The following TTC38 variants were observed in gnomAD, a reference collection of about 807,000 sequenced individuals.
TTC38 encodes tetratricopeptide repeat domain 38.
TTC38 carries 64 observed loss-of-function variants against 64.2 expected under a neutral mutation model. The observed-to-expected ratio is 1.00, with a 90% confidence interval of 0.81 to 1.23. The LOEUF is 1.23. Ranked by LOEUF, TTC38 falls within the 50% of genes most tolerant of loss-of-function variation. TTC38 has a pLI of 0.00. For synonymous variants in TTC38, 254 were observed against 249.3 expected (o/e 1.02, Z -0.18); for missense variants, 573 against 615.5 (o/e 0.93, Z 0.73).
At position 46,291,109 on chromosome 22, in the gene TTC38, C is replaced by T. The variant is rs1601888173; in HGVS notation, c.1316+1210C>T. 6.6e-6 allele frequency among the ~76,000 whole-genome samples: 1 copy of T among 152,192 alleles called. No individual in the cohort carries two copies. The highest frequency in any genetic ancestry group is 2.4e-5 in the African/African-American group (1 of 41,440). ...GTTCTGTGGTACTCATGAAACAGGT[C>T]TGGCTGGCAGCACTGGAACCGCCTA... On this transcript the variant is annotated intron_variant, in intron 13 of 13. Transcript: ENST00000381031. The surrounding 1 kb of genome is among the most constrained non-coding windows in gnomAD (Gnocchi z 4.6).
In TTC38 at chr22:46,292,458, A is replaced by G. The variant is rs1372788830; in HGVS notation, c.1317-333A>G. The G allele has an allele frequency of 2.8e-6, 1 of 355,642 alleles. No individual in the cohort carries two copies. The highest frequency in any genetic ancestry group is 5.4e-6 in the Non-Finnish European group (1 of 185,934). 22.0% of individuals were successfully genotyped at this position (355,642 alleles called of 1,614,324 possible). A position where few individuals can be genotyped will look rare whatever the true frequency, so the allele number is the denominator to read the frequency against. Reference sequence around the variant, plus strand: ...TCACCTTGGGCATTTGGGCTTCAACATATACATTTAGCCTGGACACAGACA... The same window carrying G: ...TCACCTTGGGCATTTGGGCTTCAACGTATACATTTAGCCTGGACACAGACA... On this transcript the variant is annotated intron_variant, in intron 13 of 13. Transcript: ENST00000381031. The surrounding 1 kb of genome is among the most constrained non-coding windows in gnomAD (Gnocchi z 6.5).
At position 46,289,916 on chromosome 22, in the gene TTC38, T is replaced by C. The variant is rs1179116159; in HGVS notation, c.1316+17T>C. 3 of 1,611,626 alleles carry C rather than the reference T, an allele frequency of 1.9e-6. No individual in the cohort carries two copies. In the Admixed American group the frequency reaches 5.0e-5, roughly 27 times the overall value. On this transcript the variant is annotated intron_variant, in intron 13 of 13. Coordinates refer to ENST00000381031, the MANE Select transcript of TTC38 (RefSeq NM_017931.4). ...CGTAGCCCGGTGAGCTCCTGGCCCC[T>C]GCCCAGCACTCCCGACCTTCACAGG...
At position 46,291,177 on chromosome 22, in the gene TTC38, T is replaced by G. The variant is rs905322329; in HGVS notation, c.1316+1278T>G. ...GGACGCATGCTCCCCGCTTTCCCCT[T>G]CCATGGCTGTAGACAAAACCATGCG... On this transcript the variant is annotated intron_variant, in intron 13 of 13. Transcript: ENST00000381031. This position sits in a 1 kb window ranked among gnomAD's most constrained non-coding sequence, Gnocchi z 4.6. Among the ~76,000 whole-genome samples, 4 of 152,194 alleles carry G rather than the reference T, an allele frequency of 2.6e-5. No homozygotes were observed. The highest frequency in any genetic ancestry group is 5.9e-5 in the Non-Finnish European group (4 of 68,038).
In TTC38 at chr22:46,284,888, A is replaced by T. The variant is rs1334621834; in HGVS notation, c.796-353A>T. On this transcript the variant is annotated intron_variant, in intron 8 of 13. Coordinates refer to ENST00000381031, the MANE Select transcript of TTC38 (RefSeq NM_017931.4). ...CATCTCAAAAAAAAAAAAAAAAAAA[A>T]AAGAAAAAGGCTAGAAAGAAATACA... Among the ~76,000 whole-genome samples the T allele has an allele frequency of 4.0e-5, 6 of 151,698 alleles. No individual in the cohort carries two copies. The South Asian group carries it at 1.0e-3, about 26-fold the overall frequency.
At chr22:46,280,675 G>A (rs1032613144) in intron 6 of TTC38, among the ~76,000 whole-genome samples, 1 of 152,224 alleles carries the variant, frequency 6.6e-6, no homozygotes, top group African/African-American at 2.4e-5. Flanking sequence ...GCTGAGTGGT[G>A]GGCAGGGAGG....
Position 46,275,549 on chromosome 22 carries a change from T to A in TTC38, c.539+128T>A. On this transcript the variant is annotated intron_variant, in intron 5 of 13. Coordinates refer to ENST00000381031, the MANE Select transcript of TTC38 (RefSeq NM_017931.4). This position sits in a 1 kb window ranked among gnomAD's most constrained non-coding sequence, Gnocchi z 4.5. ...CACTGTTGCTATTCTCCTAGTTCCTTAAAGTTCAAAGGCCTCATTTTCTTC... is the reference window on the plus strand; with the variant it reads ...CACTGTTGCTATTCTCCTAGTTCCTAAAAGTTCAAAGGCCTCATTTTCTTC... The A allele has an allele frequency of 2.1e-6, 2 of 964,250 alleles. No homozygotes were observed. Among genetic ancestry groups the A allele is most frequent in the Non-Finnish European group, 3.0e-6 (2 of 658,478 alleles). 59.7% of individuals were successfully genotyped at this position (964,250 alleles called of 1,614,324 possible). A position where few individuals can be genotyped will look rare whatever the true frequency, so the allele number is the denominator to read the frequency against.
In TTC38 at chr22:46,273,634, G is replaced by A. The variant is rs987026246; in HGVS notation, c.194-264G>A. Among the ~76,000 whole-genome samples, 1 of 152,244 alleles carries A rather than the reference G, an allele frequency of 6.6e-6. No individual in the cohort carries two copies. Among genetic ancestry groups the A allele is most frequent in the Non-Finnish European group, 1.5e-5 (1 of 68,046 alleles). On this transcript the variant is annotated intron_variant, in intron 3 of 13. Coordinates refer to ENST00000381031, the MANE Select transcript of TTC38 (RefSeq NM_017931.4). The surrounding 1 kb of genome is among the most constrained non-coding windows in gnomAD (Gnocchi z 5.1). ...TCTAAGTGGCTCATCCATTGAAGGG[G>A]GAAGGTGCTTTAGACACTGGCACTC...
rs1025320793 is a variant in TTC38 at position 46,274,704 on chromosome 22, C to T, written c.366-544C>T. On this transcript the variant is annotated intron_variant, in intron 4 of 13. Coordinates refer to ENST00000381031, the MANE Select transcript of TTC38 (RefSeq NM_017931.4). The surrounding 1 kb of genome is among the most constrained non-coding windows in gnomAD (Gnocchi z 4.8). ...TCCTGTGGCTGTCTCACGGTCTCCACTGGGATTATCTTTGGCAATTTGTTA... is the reference window on the plus strand; with the variant it reads ...TCCTGTGGCTGTCTCACGGTCTCCATTGGGATTATCTTTGGCAATTTGTTA... Among the ~76,000 whole-genome samples the T allele has an allele frequency of 2.6e-5, 4 of 151,372 alleles. No homozygotes were observed. Among genetic ancestry groups the T allele is most frequent in the Admixed American group, 2.6e-4 (4 of 15,236 alleles).
rs2147796050 is a variant in TTC38 at position 46,282,800 on chromosome 22, A to G, written c.735+1082A>G. Among the ~76,000 whole-genome samples the G allele has an allele frequency of 6.6e-6, 1 of 152,234 alleles. No individual in the cohort carries two copies. ...CAGCTCTGAGCCCAGCACAGGTCCT[A>G]CTTTAACACTGCTTCATACTGAGGG... On this transcript the variant is annotated intron_variant, in intron 7 of 13. Transcript: ENST00000381031. This position sits in a 1 kb window ranked among gnomAD's most constrained non-coding sequence, Gnocchi z 4.4.
chr22:46,288,970 G>T (rs528829011), intron 11 of TTC38, among the ~76,000 whole-genome samples: 1 of 152,358 alleles, frequency 6.6e-6, no homozygotes, highest in East Asian at 1.9e-4. Flanking sequence ...CTGAACCTCA[G>T]TTTCCCCATC....
At chr22:46,287,319 C>T (rs1304217429) in intron 10 of TTC38, among the ~76,000 whole-genome samples, 165 bp downstream of exon 10, 2 of 152,228 alleles carry the variant, frequency 1.3e-5, no homozygotes, top group Non-Finnish European at 2.9e-5. Flanking sequence ...CAGCTGCCTC[C>T]CAGCTGGCCC....
In TTC38 at chr22:46,289,505, G is replaced by T; in HGVS notation, c.1186G>T (p.Glu396Ter). 6.2e-7 allele frequency: 1 copy of T among 1,608,204 alleles called. No individual in the cohort carries two copies. Among genetic ancestry groups the T allele is most frequent in the Non-Finnish European group, 8.5e-7 (1 of 1,179,350 alleles). ...AEDGNPDRVL[E>*]LLLPIRYRIV... ...GGACGGGAACCCTGACCGCGTCCTG[G>T]AGCTGCTCCTGCCCATCCGCTACCG... Residue 396 changes from glutamate (E) to a stop codon, truncating the protein, a stop_gained, in exon 12 of 14, where the codon GAG (glutamate) becomes TAG (stop). Coordinates refer to ENST00000381031, the MANE Select transcript of TTC38 (RefSeq NM_017931.4). LOFTEE classifies it high-confidence loss of function.
In TTC38 at chr22:46,275,952, G is replaced by T. The variant is rs1936999151; in HGVS notation, c.539+531G>T. On this transcript the variant is annotated intron_variant, in intron 5 of 13. Transcript: ENST00000381031. This position sits in a 1 kb window ranked among gnomAD's most constrained non-coding sequence, Gnocchi z 4.5. ...ACCTCACCCACCCACAAGAGACCAG[G>T]AAGTACAGTTCTACCGTGTGCTTGG... Among the ~76,000 whole-genome samples, 2 of 151,968 alleles carry T rather than the reference G, an allele frequency of 1.3e-5. No individual in the cohort carries two copies. Among genetic ancestry groups the T allele is most frequent in the African/African-American group, 4.8e-5 (2 of 41,424 alleles).
intron 8 of TTC38, among the ~76,000 whole-genome samples, chr22:46,284,506 A>G (rs1158685794): frequency 6.6e-6 from 1 of 152,214 alleles, no homozygotes; most frequent in African/African-American, 2.4e-5. Context: ...CCTTGTCATG[A>G]CATGAGAATG....
At position 46,288,544 on chromosome 22, in the gene TTC38, C is replaced by G. The variant is rs1327469406; in HGVS notation, c.1038C>G (p.Pro346=). Residue 346 remains proline (P), a synonymous_variant, in exon 11 of 14, where the codon CCC becomes CCG. Coordinates refer to ENST00000381031, the MANE Select transcript of TTC38 (RefSeq NM_017931.4). Reference sequence around the variant, plus strand: ...TGGCATCCCTGGGTGCACACGACCCCCAGACCACACAGGAGCTGCTGACCA... The same window carrying G: ...TGGCATCCCTGGGTGCACACGACCCGCAGACCACACAGGAGCTGCTGACCA... ...FLMASLGAHD[P]QTTQELLTTL... 1 of 1,613,812 alleles carries G rather than the reference C, an allele frequency of 6.2e-7. No individual in the cohort carries two copies. The highest frequency in any genetic ancestry group is 1.7e-5 in the Admixed American group (1 of 59,984).
chr22:46,287,537 A>G (rs951282616), intron 10 of TTC38, among the ~76,000 whole-genome samples: 3 of 151,932 alleles, frequency 2.0e-5, no homozygotes, highest in African/African-American at 7.3e-5. Context: ...GAGTTTCTCA[A>G]CTCCCTGGGA....
chr22:46,269,692 C>G (rs910819441), intron 2 of TTC38, among the ~76,000 whole-genome samples: 2 of 152,196 alleles, frequency 1.3e-5, no homozygotes, highest in African/African-American at 2.4e-5. Flanking sequence ...CCAGCCTGCC[C>G]TGCCAAGGGA....
At chr22:46,268,409 C>A in intron 1 of TTC38, 105 bp from the exon 2 acceptor site, 3 of 1,241,660 alleles carry the variant, frequency 2.4e-6, no homozygotes, top group Non-Finnish European at 3.5e-6. Context: ...GCCCATTTTA[C>A]AGATGAGGAA....
At chr22:46,278,722 G>T in intron 6 of TTC38, 61 bp downstream of exon 6, 2 of 1,318,016 alleles carry the variant, frequency 1.5e-6, no homozygotes, top group East Asian at 2.3e-5. Flanking sequence ...CTGGACCAGG[G>T]CATATGAGGG....
Sources: gnomAD v4.1 joint callset for allele counts (sites outside exome capture counted in the v4.1 genomes callset) on GRCh38, gnomAD v4.1.1 for gene constraint, Gnocchi (gnomAD v3.1) non-coding constraint, MANE v1.5 for transcripts, NCBI Gene and HGNC (gene_info 2026-07-23, HGNC 2026-07-21) for gene names.